WWP1: variants seen among roughly 807,000 people sequenced by gnomAD.
The protein encoded by WWP1 is NEDD4-like E3 ubiquitin-protein ligase WWP1.
WWP1 carries 49 observed loss-of-function variants against 130.6 expected under a neutral mutation model. That is an observed-to-expected ratio of 0.38 (90% CI 0.30 to 0.48). WWP1 has a LOEUF of 0.48. WWP1 is among the 20% of genes least tolerant of loss of function. The pLI, the probability that WWP1 is intolerant of heterozygous loss-of-function variation, is 0.99. For synonymous variants in WWP1, 332 were observed against 367.8 expected, an observed-to-expected ratio of 0.90 and a Z score of 1.11; for missense variants, 809 against 1,100.6, an observed-to-expected ratio of 0.74 and a Z score of 3.75.
chr8:86,402,807 T>A (rs1808069061), intron 8 of WWP1, among the ~76,000 whole-genome samples: 1 of 152,228 alleles, frequency 6.6e-6, no homozygotes, highest in Non-Finnish European at 1.5e-5. Context: ...ATATAAAATA[T>A]ATTTCTGAAA....
chr8:86,422,669 G>A (rs1419118584), intron 9 of WWP1, among the ~76,000 whole-genome samples: 3 of 151,760 alleles, frequency 2.0e-5, no homozygotes, highest in Admixed American at 6.6e-5. Context: ...CACCACGCCC[G>A]GCCCACCAGT....
chr8:86,371,914 T>G (rs932941437), intron 2 of WWP1, among the ~76,000 whole-genome samples: 12 of 151,780 alleles, frequency 7.9e-5, no homozygotes, highest in African/African-American at 2.9e-4. Flanking sequence ...TGACCTCAGC[T>G]CACTGCAGCC....
chr8:86,463,094 G>C (rs1563556486), intron 24 of WWP1, among the ~76,000 whole-genome samples: 1 of 152,056 alleles, frequency 6.6e-6, no homozygotes, highest in East Asian at 1.9e-4. Context: ...GAACTAGCTT[G>C]CTTTCTTTTA....
At chr8:86,353,068 T>C (rs933877597) in intron 1 of WWP1, among the ~76,000 whole-genome samples, 5 of 152,184 alleles carry the variant, frequency 3.3e-5, no homozygotes, top group African/African-American at 9.6e-5. Context: ...AATTTGGAAT[T>C]TGGTCTTTTG....
intron 1 of WWP1, among the ~76,000 whole-genome samples, chr8:86,349,404 T>C (rs1822786741): frequency 6.6e-6 from 1 of 152,188 alleles, no homozygotes; most frequent in African/African-American, 2.4e-5. Flanking sequence ...AAGTCACAAA[T>C]CTAGCCCAGG....
intron 1 of WWP1, among the ~76,000 whole-genome samples, chr8:86,354,796 T>C (rs527657028): frequency 6.6e-6 from 1 of 152,220 alleles, no homozygotes; most frequent in African/African-American, 2.4e-5. Context: ...ATATTGAGAG[T>C]TTTTGTGCCT....
rs1808226896 is a variant in WWP1, at chr8:86,405,470, G to C, written c.724+3267G>C. 2.0e-5 allele frequency among the ~76,000 whole-genome samples: 3 copies of C among 151,754 alleles called. 1 individual carries two copies. The South Asian group carries it at 6.2e-4, about 31-fold the overall frequency. On this transcript the variant is annotated intron_variant, in intron 8 of 24. Coordinates refer to ENST00000517970, the MANE Select transcript of WWP1 (RefSeq NM_007013.4). ...CAGAAATATTAATGTATTTAATCAC[G>C]ATGTGTGGCCCCTAAACCTCCTCCA... is the stretch of plus-strand genomic sequence containing the variant.
chr8:86,455,152 C>T (rs144795103), intron 21 of WWP1, among the ~76,000 whole-genome samples: 138 of 152,108 alleles, frequency 9.1e-4, no homozygotes, highest in African/African-American at 3.2e-3. Flanking sequence ...ACTCTTACCA[C>T]ACTAGGAATA....
chr8:86,430,866 A>ATG, intron 12 of WWP1, 115 bp downstream of exon 12: 1 of 314,038 alleles, frequency 3.2e-6, no homozygotes, highest in African/African-American at 2.4e-5. Context: ...TCTCCCTTAT[A>ATG]TATGTCCCTT....
chr8:86,366,050 C>T (rs1237599979), intron 1 of WWP1, among the ~76,000 whole-genome samples: 6 of 152,178 alleles, frequency 3.9e-5, no homozygotes, highest in Non-Finnish European at 5.9e-5. Context: ...TGAAGTGCTT[C>T]GCAAATGTAA....
rs28699472 is a variant in WWP1, at chr8:86,419,050, C to T, written c.1062-6173C>T. 7.3e-3 allele frequency among the ~76,000 whole-genome samples: 1,116 copies of T among 152,268 alleles called. 14 individuals are homozygous for T. The highest frequency in any genetic ancestry group is 0.025 in the African/African-American group (1,021 of 41,540). On this transcript the variant is annotated intron_variant, in intron 9 of 24. Transcript: ENST00000517970. ...CCCAGTCAGTTTTCAGTGCCCTTCT[C>T]ATTAGATATCTGAGGGAAACCTCTT...
chr8:86,349,732 C>T (rs1402610064), intron 1 of WWP1, among the ~76,000 whole-genome samples: 2 of 151,682 alleles, frequency 1.3e-5, no homozygotes, highest in Admixed American at 6.6e-5. Context: ...TAGTGTGCCA[C>T]CATAATAGGG....
At chr8:86,388,900 A>G (rs949164455) in intron 5 of WWP1, among the ~76,000 whole-genome samples, 2 of 152,154 alleles carry the variant, frequency 1.3e-5, no homozygotes, top group African/African-American at 4.8e-5. Context: ...GCTAACAGCC[A>G]GTAGACTTCT....
At chr8:86,425,418 A>G (rs1433978078) in intron 10 of WWP1, 100 bp downstream of exon 10, 1 of 772,362 alleles carries the variant, frequency 1.3e-6, no homozygotes, top group East Asian at 2.9e-5. Context: ...CATTCTGCAT[A>G]TATTCAATTT....
chr8:86,379,771 G>A (rs1011521604), intron 3 of WWP1, among the ~76,000 whole-genome samples: 9 of 152,132 alleles, frequency 5.9e-5, no homozygotes, highest in African/African-American at 1.9e-4. Flanking sequence ...ATTTTTTTAA[G>A]TGCCACAGTT....
chr8:86,429,578 G>GT (rs2130666459), intron 11 of WWP1, among the ~76,000 whole-genome samples: 1 of 152,144 alleles, frequency 6.6e-6, no homozygotes, highest in South Asian at 2.1e-4. Context: ...ATAAAAATGT[G>GT]TTTTTATGTA....
intron 5 of WWP1, among the ~76,000 whole-genome samples, chr8:86,393,545 T>C (rs945132539): frequency 7.9e-5 from 12 of 152,164 alleles, no homozygotes; most frequent in Non-Finnish European, 1.6e-4. Flanking sequence ...AATAAGTAAA[T>C]AAATTCTGAA....
intron 1 of WWP1, among the ~76,000 whole-genome samples, chr8:86,344,524 C>G (rs1271250365): frequency 1.3e-5 from 2 of 152,184 alleles, no homozygotes; most frequent in Non-Finnish European, 2.9e-5. Context: ...TGCCTTCACA[C>G]TAATTAGGTA....
At chr8:86,385,386 G>A (rs1241524240) in intron 5 of WWP1, among the ~76,000 whole-genome samples, 2 of 152,098 alleles carry the variant, frequency 1.3e-5, no homozygotes, top group African/African-American at 4.8e-5. Flanking sequence ...GTTTTTAGGT[G>A]TTGAGGCAGT....
Sources: allele counts gnomAD v4.1 joint callset (sites outside exome capture counted in the v4.1 genomes callset), GRCh38; gene constraint gnomAD v4.1.1; transcripts MANE v1.5; gene names NCBI Gene and HGNC (gene_info 2026-07-23, HGNC 2026-07-21).